The following RFX7 variants were observed in gnomAD, a reference collection of about 807,000 sequenced individuals.
RFX7 encodes the protein regulatory factor X7.
Under a neutral mutation model 111.8 loss-of-function variants are expected in RFX7, and 26 were observed. The ratio of observed to expected loss-of-function variants is 0.23; its 90% confidence interval spans 0.17 to 0.32. The LOEUF (loss-of-function observed/expected upper bound fraction) is 0.32. RFX7 is among the 10% of genes least tolerant of loss of function. The pLI is 1.00. For missense variants in RFX7, 1,573 were observed against 1,772.9 expected (o/e 0.89, Z 2.02); for synonymous variants, 624 against 624.4 (o/e 1.00, Z 0.01).
chr15:56,136,494 T>G (rs1230129074), intron 5 of RFX7, among the ~76,000 whole-genome samples: 2 of 134,982 alleles, frequency 1.5e-5, no homozygotes, highest in Non-Finnish European at 3.2e-5. Context: ...TGAAGTTGCT[T>G]ATCAGCTTAA....
intron 3 of RFX7, among the ~76,000 whole-genome samples, chr15:56,168,386 G>A (rs1406624335): frequency 1.3e-5 from 2 of 152,190 alleles, no homozygotes; most frequent in East Asian, 1.9e-4. Context: ...TATTTACTGA[G>A]TGTCTTCCAT....
At chr15:56,207,220 A>T (rs577222242) in intron 2 of RFX7, among the ~76,000 whole-genome samples, 3 of 152,296 alleles carry the variant, frequency 2.0e-5, no homozygotes, top group African/African-American at 7.2e-5. Context: ...AGGTACCTAG[A>T]GTAGTGAAAT....
In RFX7 at chr15:56,103,425, T is replaced by G. The variant is rs1595925380; in HGVS notation, c.518+129A>C. The G allele has an allele frequency of 5.0e-6, 3 of 601,110 alleles. No homozygotes were observed. The East Asian group carries it at 8.4e-5, about 17-fold the overall frequency. 37.2% of individuals were successfully genotyped at this position (601,110 alleles called of 1,614,324 possible). ...AAAGTTACATTTGCAATTATTCTACTTAAGCTTTTGAGTTGCTTTAATTTG... is the reference window on the plus strand; with the variant it reads ...AAAGTTACATTTGCAATTATTCTACGTAAGCTTTTGAGTTGCTTTAATTTG... On this transcript the variant is annotated intron_variant, in intron 6 of 9. Transcript: ENST00000559447.
At chr15:56,138,464 C>T (rs556413711) in intron 5 of RFX7, among the ~76,000 whole-genome samples, 22 of 149,598 alleles carry the variant, frequency 1.5e-4, no homozygotes, top group African/African-American at 5.1e-4. Flanking sequence ...TTTCCATTTG[C>T]TTGGTAGATC....
rs1168086369 is a variant in RFX7, at chr15:56,225,805, GTAA to G, written c.161+17317_161+17319del. ...CTATAGGACATTATTAAATGATTTT[GTAA>G]TAATATTTTTATATCAAAGGCTAAT... On this transcript the variant is annotated intron_variant, in intron 2 of 9. Transcript: ENST00000559447. 2.0e-5 allele frequency among the ~76,000 whole-genome samples: 3 copies of G among 152,210 alleles called. No individual in the cohort carries two copies. In the East Asian group the frequency reaches 5.8e-4, roughly 29 times the overall value.
At chr15:56,211,702 T>C (rs539768400) in intron 2 of RFX7, among the ~76,000 whole-genome samples, 29 of 152,044 alleles carry the variant, frequency 1.9e-4, no homozygotes, top group African/African-American at 7.0e-4. Flanking sequence ...ATCAACCCCA[T>C]TAAAAAATGG....
At chr15:56,156,166 G>T (rs1357012989) in intron 3 of RFX7, among the ~76,000 whole-genome samples, 4 of 152,002 alleles carry the variant, frequency 2.6e-5, no homozygotes, top group Non-Finnish European at 5.9e-5. Flanking sequence ...TCCAGTGTCT[G>T]GTTACGACCC....
At chr15:56,128,802 A>T (rs2042176893) in intron 5 of RFX7, among the ~76,000 whole-genome samples, 2 of 152,120 alleles carry the variant, frequency 1.3e-5, no homozygotes, top group Non-Finnish European at 1.5e-5. Flanking sequence ...TAGATAAAAA[A>T]ATCCTAAGAA....
chr15:56,173,078 G>A (rs1427314227), intron 3 of RFX7, among the ~76,000 whole-genome samples: 1 of 152,196 alleles, frequency 6.6e-6, no homozygotes, highest in African/African-American at 2.4e-5. Context: ...GCAAAGCAAG[G>A]CAGTACTGCA....
At chr15:56,100,738 A>G (rs1228666150) in intron 8 of RFX7, among the ~76,000 whole-genome samples, 2 of 152,194 alleles carry the variant, frequency 1.3e-5, no homozygotes, top group African/African-American at 4.8e-5. Context: ...ATTTTACACA[A>G]CTATTAATTT....
chr15:56,088,746 G>A lies in RFX7; in HGVS notation c.*4599C>T, dbSNP rs1354541136. On this transcript the variant is annotated 3_prime_UTR_variant, in exon 10 of 10. Transcript: ENST00000559447. Reference sequence around the variant, plus strand: ...TCTTTTCTTATGCTGTAGGAGCTGAGGCAACTTGCATTTGTGATACTCAAT... The same window carrying A: ...TCTTTTCTTATGCTGTAGGAGCTGAAGCAACTTGCATTTGTGATACTCAAT... 1 of 152,098 alleles carries A rather than the reference G, an allele frequency of 6.6e-6. No individual in the cohort carries two copies. The highest frequency in any genetic ancestry group is 2.1e-4 in the South Asian group (1 of 4,814). 9.4% of individuals were successfully genotyped at this position (152,098 alleles called of 1,614,324 possible). A position where few individuals can be genotyped will look rare whatever the true frequency, so the allele number is the denominator to read the frequency against.
rs1457814992 is a variant in RFX7 at position 56,093,058 on chromosome 15, A to G, written c.*287T>C. On this transcript the variant is annotated 3_prime_UTR_variant, in exon 10 of 10. Transcript: ENST00000559447. ...GAAATGAAACTAACTTACACAAAAT[A>G]AAGATCGACTGCTCTTGTAACAGCT... 1 of 309,636 alleles carries G rather than the reference A, an allele frequency of 3.2e-6. No homozygotes were observed. Among genetic ancestry groups the G allele is most frequent in the East Asian group, 5.5e-5 (1 of 18,164 alleles). The allele number at this position is 309,636 out of a possible 1,614,324, so 19.2% of individuals were successfully genotyped here.
chr15:56,193,201 T>G (rs2043116142), intron 2 of RFX7: 1 of 185,312 alleles, frequency 5.4e-6, no homozygotes, highest in African/African-American at 2.4e-5. Flanking sequence ...TGATGATTTT[T>G]CTTGCCCAAG....
intron 2 of RFX7, among the ~76,000 whole-genome samples, chr15:56,213,833 TCTAAAA>T (rs1488174218): frequency 6.6e-6 from 1 of 152,232 alleles, no homozygotes; most frequent in Non-Finnish European, 1.5e-5. Flanking sequence ...CCCTCCCTAC[TCTAAAA>T]CTATCTTTTG....
intron 2 of RFX7, among the ~76,000 whole-genome samples, chr15:56,241,583 G>A (rs115837424): frequency 0.011 from 1,707 of 152,176 alleles, 31 homozygotes; most frequent in African/African-American, 0.037. Flanking sequence ...CGTTACTAGA[G>A]GTTAAAAACA....
chr15:56,136,336 C>G (rs1180014290), intron 5 of RFX7, among the ~76,000 whole-genome samples: 2 of 140,808 alleles, frequency 1.4e-5, no homozygotes, highest in Non-Finnish European at 3.1e-5. Flanking sequence ...CTTCACATCC[C>G]TTGTAAGTTG....
intron 3 of RFX7, among the ~76,000 whole-genome samples, chr15:56,152,742 CA>C (rs878893842): frequency 1.1e-3 from 130 of 116,608 alleles, no homozygotes; most frequent in Non-Finnish European, 1.3e-3. Context: ...AAAAACCCTT[CA>C]AAAAAAAAAA....
intron 3 of RFX7, among the ~76,000 whole-genome samples, chr15:56,145,525 A>G (rs2042456283): frequency 6.6e-6 from 1 of 152,196 alleles, no homozygotes. Context: ...TTAAAATCCC[A>G]TGGCCTACAG....
chr15:56,141,656 A>AATATATATATAT (rs368258249), intron 5 of RFX7, among the ~76,000 whole-genome samples: 9,520 of 82,906 alleles, frequency 0.11, 1,404 homozygotes, highest in Middle Eastern at 0.16. Context: ...GCTTACTCTA[A>AATATATATATAT]ATATATATAT....
Sources: allele counts gnomAD v4.1 joint callset (sites outside exome capture counted in the v4.1 genomes callset), GRCh38; gene constraint gnomAD v4.1.1; transcripts MANE v1.5; gene names NCBI Gene and HGNC (gene_info 2026-07-23, HGNC 2026-07-21).